Variants in SLC9A1 observed in about 807,000 individuals in gnomAD.
The protein encoded by SLC9A1 is solute carrier family 9 member A1.
SLC9A1 carries 22 observed loss-of-function variants against 67.9 expected under a neutral mutation model. That is an observed-to-expected ratio of 0.32 (90% CI 0.23 to 0.46). The LOEUF (loss-of-function observed/expected upper bound fraction) is 0.46, where lower values mean the gene tolerates loss of function less well. Ranked by LOEUF, SLC9A1 falls within the 20% of genes least tolerant of loss-of-function variation. The pLI, the probability that SLC9A1 is intolerant of heterozygous loss-of-function variation, is 1.00. For missense variants in SLC9A1, 686 were observed against 1,094.8 expected, an observed-to-expected ratio of 0.63 and a Z score of 5.27; for synonymous variants, 421 against 471.8, an observed-to-expected ratio of 0.89 and a Z score of 1.40.
Position 27,101,169 on chromosome 1 carries a change from T to C in SLC9A1, c.2110+34A>G, listed in dbSNP as rs747044575. On this transcript the variant is annotated intron_variant, in intron 11 of 11. Coordinates refer to ENST00000263980, the MANE Select transcript of SLC9A1 (RefSeq NM_003047.5). This position sits in a 1 kb window ranked among gnomAD's most constrained non-coding sequence, Gnocchi z 4.9. The stretch of plus-strand genomic sequence containing the variant: ...ATCCTCAGGAGGTGGCAGCTCAGAG[T>C]GCCCAGTCCTGAGGCCCCTCGCCAG... The C allele has an allele frequency of 2.6e-6, 4 of 1,553,680 alleles. No homozygotes were observed. The highest frequency in any genetic ancestry group is 3.5e-6 in the Non-Finnish European group (4 of 1,134,592).
intron 1 of SLC9A1, among the ~76,000 whole-genome samples, chr1:27,139,463 A>G (rs1292103306): frequency 1.3e-5 from 2 of 152,210 alleles, no homozygotes; most frequent in Non-Finnish European, 2.9e-5. Flanking sequence ...GGGCCGTCAC[A>G]TAGTGCAGAA....
intron 1 of SLC9A1, among the ~76,000 whole-genome samples, chr1:27,151,954 G>C (rs1368968999): frequency 6.6e-6 from 1 of 152,192 alleles, no homozygotes; most frequent in East Asian, 1.9e-4. Context: ...TGAGGTCCAA[G>C]GCTGAGTGAC....
intron 1 of SLC9A1, among the ~76,000 whole-genome samples, chr1:27,129,147 G>A (rs947738466): frequency 6.6e-6 from 1 of 152,176 alleles, no homozygotes. Context: ...CAGCATTAAG[G>A]CTCCATGGGC....
chr1:27,131,947 A>AAAT, intron 1 of SLC9A1, among the ~76,000 whole-genome samples: 7 of 52,124 alleles, frequency 1.3e-4, no homozygotes, highest in African/African-American at 3.2e-4. Flanking sequence ...AGAAAAAAAA[A>AAAT]ATATATATAT....
intron 5 of SLC9A1, chr1:27,103,700 C>A (rs1211237203): frequency 2.8e-5 from 7 of 254,176 alleles, no homozygotes; most frequent in Non-Finnish European, 5.5e-5. Context: ...GTGAGGAGGA[C>A]CGAGTAATAA....
chr1:27,129,805 A>G (rs1473220738), intron 1 of SLC9A1, among the ~76,000 whole-genome samples: 1 of 152,044 alleles, frequency 6.6e-6, no homozygotes, highest in East Asian at 1.9e-4. Flanking sequence ...ACTACCTTCT[A>G]TTGAGTGCCT....
intron 2 of SLC9A1, among the ~76,000 whole-genome samples, chr1:27,110,497 T>A (rs1300495283): frequency 6.6e-6 from 1 of 152,200 alleles, no homozygotes; most frequent in Non-Finnish European, 1.5e-5. Flanking sequence ...AAGGCATCCC[T>A]GTCTCCTGGA....
At chr1:27,140,760 C>T (rs941474293) in intron 1 of SLC9A1, among the ~76,000 whole-genome samples, 1 of 152,172 alleles carries the variant, frequency 6.6e-6, no homozygotes, top group African/African-American at 2.4e-5. Flanking sequence ...ACCCTTTGCT[C>T]ATTAAATGTT....
At chr1:27,145,410 C>T (rs2083479157) in intron 1 of SLC9A1, among the ~76,000 whole-genome samples, 1 of 152,262 alleles carries the variant, frequency 6.6e-6, no homozygotes, top group Non-Finnish European at 1.5e-5. Flanking sequence ...CTGCCTCTTC[C>T]ACCCAGGATC....
At chr1:27,130,357 C>T (rs1408605445) in intron 1 of SLC9A1, among the ~76,000 whole-genome samples, 3 of 152,228 alleles carry the variant, frequency 2.0e-5, no homozygotes, top group Non-Finnish European at 4.4e-5. Context: ...CTGCCTCGGC[C>T]TCCCAAAGTG....
chr1:27,127,119 G>GC (rs539188121), intron 1 of SLC9A1, among the ~76,000 whole-genome samples: 126 of 152,264 alleles, frequency 8.3e-4, no homozygotes, highest in Non-Finnish European at 1.5e-3. Context: ...TCTCACCTCA[G>GC]CCCCCCATGT....
chr1:27,134,311 G>C (rs2083405065), intron 1 of SLC9A1, among the ~76,000 whole-genome samples: 1 of 152,154 alleles, frequency 6.6e-6, no homozygotes, highest in Non-Finnish European at 1.5e-5. Flanking sequence ...AAGATGATGG[G>C]GCTGGGTTAA....
In SLC9A1 at chr1:27,151,463, C is replaced by A. The variant is rs140893495; in HGVS notation, c.352+2520G>T. On this transcript the variant is annotated intron_variant, in intron 1 of 11. Transcript: ENST00000263980. ...GCAACCTCCGCCTCCTGGGTTCAAG[C>A]GATCCTCCTGCCTTGGCCTCCAGAG... Among the ~76,000 whole-genome samples the A allele has an allele frequency of 6.5e-3, 986 of 152,220 alleles. 6 individuals are homozygous for A. Among genetic ancestry groups the A allele is most frequent in the African/African-American group, 0.022 (933 of 41,524 alleles).
chr1:27,123,347 T>C lies in SLC9A1; in HGVS notation c.353-9061A>G, dbSNP rs561985568. ...ATTCTTGAAGACTTTTCTGTATCTA[T>C]AGGTTATTTAAAATTATGTGTGAAT... On this transcript the variant is annotated intron_variant, in intron 1 of 11. Transcript: ENST00000263980. 4.6e-5 allele frequency among the ~76,000 whole-genome samples: 7 copies of C among 152,298 alleles called. No homozygotes were observed. The East Asian group carries it at 7.7e-4, about 17-fold the overall frequency.
chr1:27,107,451 C>T (rs976247694), intron 4 of SLC9A1, among the ~76,000 whole-genome samples, 197 bp downstream of exon 4: 2 of 150,286 alleles, frequency 1.3e-5, no homozygotes, highest in Admixed American at 6.6e-5. Flanking sequence ...ACACCACACA[C>T]GCAATACGCA....
chr1:27,121,078 C>T (rs762850910), intron 1 of SLC9A1, among the ~76,000 whole-genome samples: 19 of 152,198 alleles, frequency 1.2e-4, no homozygotes, highest in Non-Finnish European at 1.9e-4. Context: ...ATAAATAAAT[C>T]TGTTCCAAGT....
At chr1:27,134,587 T>C (rs2083406404) in intron 1 of SLC9A1, among the ~76,000 whole-genome samples, 2 of 152,176 alleles carry the variant, frequency 1.3e-5, no homozygotes, top group Non-Finnish European at 2.9e-5. Flanking sequence ...GAAGGAAATC[T>C]GCCCGGCCAG....
chr1:27,151,204 T>A lies in SLC9A1; in HGVS notation c.352+2779A>T, dbSNP rs576408325. ...AGAGGAAGGTTGTAGGAGGCTGAGG[T>A]AGGGATGCATTTGCTGTAGGTGGTT... On this transcript the variant is annotated intron_variant, in intron 1 of 11. Transcript: ENST00000263980. 1.0e-3 allele frequency among the ~76,000 whole-genome samples: 156 copies of A among 152,254 alleles called. 1 individual carries two copies. Among genetic ancestry groups the A allele is most frequent in the African/African-American group, 3.6e-3 (149 of 41,540 alleles).
chr1:27,103,212 C>T lies in SLC9A1; in HGVS notation c.1575+11G>A, dbSNP rs761538469. On this transcript the variant is annotated intron_variant, in intron 6 of 11. Transcript: ENST00000263980. ...CTTCTGCAACCAAGGGCCCAGCCCG[C>T]ACTCCAGTACCTGTGTGTGGATCTC... 4.4e-6 allele frequency: 7 copies of T among 1,603,252 alleles called. No individual in the cohort carries two copies. The highest frequency in any genetic ancestry group is 6.0e-6 in the Non-Finnish European group (7 of 1,170,134).
Sources: allele counts gnomAD v4.1 joint callset (sites outside exome capture counted in the v4.1 genomes callset), GRCh38; gene constraint gnomAD v4.1.1; non-coding constraint Gnocchi (gnomAD v3.1); transcripts MANE v1.5; gene names NCBI Gene and HGNC (gene_info 2026-07-23, HGNC 2026-07-21).